Variants in ZNF827 observed in about 807,000 individuals in gnomAD.
The protein encoded by ZNF827 is zinc finger protein 827.
ZNF827 carries 13 observed loss-of-function variants against 102.4 expected under a neutral mutation model. The observed-to-expected ratio is 0.13, with a 90% CI of 0.08 to 0.20. The LOEUF is 0.20. ZNF827 is among the 10% of genes least tolerant of loss of function. The pLI is 1.00. For synonymous variants in ZNF827, 523 were observed against 536.2 expected (o/e 0.98, Z 0.34); for missense variants, 1,103 against 1,344.4 (o/e 0.82, Z 2.81).
At chr4:145,826,116 C>G (rs562271368) in intron 7 of ZNF827, among the ~76,000 whole-genome samples, 1 of 152,244 alleles carries the variant, frequency 6.6e-6, no homozygotes, top group African/African-American at 2.4e-5. Flanking sequence ...TCCGTTCATG[C>G]CAGGAGATAG....
chr4:145,761,141 G>T lies in ZNF827; in HGVS notation c.*475C>A, dbSNP rs1014694903. On this transcript the variant is annotated 3_prime_UTR_variant, in exon 15 of 15. Coordinates refer to ENST00000508784, the MANE Select transcript of ZNF827 (RefSeq NM_001306215.2). This position sits in a 1 kb window ranked among gnomAD's most constrained non-coding sequence, Gnocchi z 6.8. ...AGGAGCGGGGCCCCCGGGCCGGCCG[G>T]TTCCTTGGGGGCTGGACACAGGCCC... The T allele has an allele frequency of 7.8e-7, 1 of 1,289,774 alleles. No individual in the cohort carries two copies. Among genetic ancestry groups the T allele is most frequent in the Non-Finnish European group, 1.0e-6 (1 of 988,806 alleles). The allele number at this position is 1,289,774 out of a possible 1,614,324, so 79.9% of individuals were successfully genotyped here. A position where few individuals can be genotyped will look rare whatever the true frequency, so the allele number is the denominator to read the frequency against.
rs141188148 is a variant in ZNF827, at chr4:145,904,944, G to T, written c.44-1729C>A. 9.8e-5 allele frequency among the ~76,000 whole-genome samples: 15 copies of T among 152,342 alleles called. No individual in the cohort carries two copies. The East Asian group carries it at 2.1e-3, about 22-fold the overall frequency. The stretch of plus-strand genomic sequence containing the variant: ...CAGGTACAAGGATGAGCACAAAGAG[G>T]CCAGCTAGGAGGCTAGGATCCAGGT... On this transcript the variant is annotated intron_variant, in intron 1 of 14. Coordinates refer to ENST00000508784, the MANE Select transcript of ZNF827 (RefSeq NM_001306215.2).
At chr4:145,921,759 T>C (rs1753084550) in intron 1 of ZNF827, among the ~76,000 whole-genome samples, 1 of 152,170 alleles carries the variant, frequency 6.6e-6, no homozygotes, top group Non-Finnish European at 1.5e-5. Context: ...GAAATACTCC[T>C]AATTCCCCAA....
At chr4:145,874,087 T>C (rs1358156500) in intron 4 of ZNF827, among the ~76,000 whole-genome samples, 1 of 151,954 alleles carries the variant, frequency 6.6e-6, no homozygotes, top group African/African-American at 2.4e-5. Flanking sequence ...AAGCAGATGC[T>C]TCCTGCACAT....
chr4:145,803,325 T>G (rs896127663), intron 8 of ZNF827, among the ~76,000 whole-genome samples: 6 of 152,050 alleles, frequency 3.9e-5, no homozygotes, highest in Non-Finnish European at 8.8e-5. Context: ...CTTTTCCTAG[T>G]GCAGATTTAA....
intron 4 of ZNF827, chr4:145,876,572 C>A (rs1226753095): frequency 6.6e-6 from 1 of 152,152 alleles, no homozygotes; most frequent in Admixed American, 6.5e-5. Context: ...CAAGTATTTA[C>A]CTGTATTAAT....
At chr4:145,932,529 T>G (rs999618750) in intron 1 of ZNF827, among the ~76,000 whole-genome samples, 3 of 151,088 alleles carry the variant, frequency 2.0e-5, no homozygotes, top group Non-Finnish European at 2.9e-5. Context: ...GGCTGGAGTG[T>G]AGTGGCACAA....
chr4:145,867,912 G>T (rs779612436), intron 5 of ZNF827, among the ~76,000 whole-genome samples: 1 of 152,092 alleles, frequency 6.6e-6, no homozygotes, highest in African/African-American at 2.4e-5. Flanking sequence ...CATGGCAAAG[G>T]GTATCTGAAG....
At chr4:145,832,332 C>T (rs1037389498) in intron 7 of ZNF827, 5 of 146,532 alleles carry the variant, frequency 3.4e-5, no homozygotes, top group South Asian at 4.4e-4. Context: ...CACACACACA[C>T]ACAGAGCAAA....
At chr4:145,801,660 T>C (rs565987155) in intron 8 of ZNF827, among the ~76,000 whole-genome samples, 13 of 152,340 alleles carry the variant, frequency 8.5e-5, no homozygotes, top group African/African-American at 2.6e-4. Flanking sequence ...GCATAATTAA[T>C]GATTGTCAGG....
At chr4:145,784,716 G>A (rs945925877) in intron 8 of ZNF827, among the ~76,000 whole-genome samples, 1 of 152,158 alleles carries the variant, frequency 6.6e-6, no homozygotes, top group South Asian at 2.1e-4. Flanking sequence ...TGGAATATGG[G>A]TACTGTTTTT....
At chr4:145,920,316 C>A (rs139013967) in intron 1 of ZNF827, among the ~76,000 whole-genome samples, 9 of 152,342 alleles carry the variant, frequency 5.9e-5, no homozygotes, top group Non-Finnish European at 5.9e-5. Flanking sequence ...TCAGGAAAAT[C>A]TGACGGTCTT....
In ZNF827 at chr4:145,765,085, G is replaced by A. The variant is rs1444663332; in HGVS notation, c.3133C>T (p.Arg1045Trp). The A allele has an allele frequency of 6.2e-7, 1 of 1,614,162 alleles. No homozygotes were observed. The highest frequency in any genetic ancestry group is 8.5e-7 in the Non-Finnish European group (1 of 1,180,034). ...TGGCACACATCACACTCAAACATCCGGGTGATGAGGTGTATCTGCAGATGA... is the reference window on the plus strand; with the variant it reads ...TGGCACACATCACACTCAAACATCCAGGTGATGAGGTGTATCTGCAGATGA... ...ERHLQIHLITRMFECDVCHKF... is the reference protein window; with the variant it reads ...ERHLQIHLITWMFECDVCHKF... Residue 1045 changes from arginine (R) to tryptophan (W), a missense_variant, in exon 13 of 15, where the codon CGG becomes TGG. Arg to Trp is a moderately radical substitution (Grantham distance 101). Transcript: ENST00000508784. This position sits in a 1 kb window ranked among gnomAD's most constrained non-coding sequence, Gnocchi z 4.7.
chr4:145,779,222 CTTCTTTAAA>C (rs1178443180), intron 9 of ZNF827, 143 bp downstream of exon 9: 1 of 1,042,058 alleles, frequency 9.6e-7, no homozygotes, highest in African/African-American at 1.6e-5. Flanking sequence ...TTTCCAAGGT[CTTCTTTAAA>C]CATGCCAGAG....
At chr4:145,930,855 G>A (rs540613342) in intron 1 of ZNF827, among the ~76,000 whole-genome samples, 7 of 152,066 alleles carry the variant, frequency 4.6e-5, no homozygotes, top group Non-Finnish European at 5.9e-5. Context: ...GTGTGTGTGC[G>A]CGCGCATGTG....
chr4:145,871,687 T>G (rs758434087), intron 4 of ZNF827, among the ~76,000 whole-genome samples: 11 of 151,992 alleles, frequency 7.2e-5, no homozygotes, highest in Non-Finnish European at 1.3e-4. Flanking sequence ...TAAAAATAAA[T>G]CCCCGAAGCA....
intron 7 of ZNF827, among the ~76,000 whole-genome samples, chr4:145,835,940 T>C (rs1037486211): frequency 9.2e-5 from 14 of 151,396 alleles, no homozygotes; most frequent in African/African-American, 3.4e-4. Flanking sequence ...GCCAAACCCA[T>C]ATACTCTCCT....
chr4:145,896,721 GA>G (rs376684778), intron 2 of ZNF827, among the ~76,000 whole-genome samples: 1 of 152,202 alleles, frequency 6.6e-6, no homozygotes, highest in African/African-American at 2.4e-5. Flanking sequence ...TAAATGAATG[GA>G]TGGATAAACA....
In ZNF827 at chr4:145,760,695, G is replaced by C. The variant is rs1400445989; in HGVS notation, c.*921C>G. On this transcript the variant is annotated 3_prime_UTR_variant, in exon 15 of 15. Transcript: ENST00000508784. ...GTAGGTTTTGCAGCAACATACACCT[G>C]CTGGGGTTGTGTTTAAGTTTTGTGG... 4 of 996,730 alleles carry C rather than the reference G, an allele frequency of 4.0e-6. No homozygotes were observed. Among genetic ancestry groups the C allele is most frequent in the Non-Finnish European group, 3.7e-6 (3 of 802,488 alleles). 61.7% of individuals were successfully genotyped at this position (996,730 alleles called of 1,614,324 possible).
Sources: gnomAD v4.1 joint callset for allele counts (sites outside exome capture counted in the v4.1 genomes callset) on GRCh38, gnomAD v4.1.1 for gene constraint, Gnocchi (gnomAD v3.1) non-coding constraint, MANE v1.5 for transcripts, NCBI Gene and HGNC (gene_info 2026-07-23, HGNC 2026-07-21) for gene names.